The following CENPB variants were observed in gnomAD, a reference collection of about 807,000 sequenced individuals.
CENPB encodes major centromere autoantigen B.
Under a neutral mutation model 41.9 loss-of-function variants are expected in CENPB, and 19 were observed. That is an observed-to-expected ratio of 0.45 (90% CI 0.32 to 0.67). The LOEUF (loss-of-function observed/expected upper bound fraction) is 0.67, where lower values mean the gene tolerates loss of function less well. CENPB is among the 30% of genes least tolerant of loss of function. The probability of loss-of-function intolerance (pLI) is 0.04; values close to 1 mark genes in which losing one functional copy is unlikely to be tolerated. For synonymous variants in CENPB, 399 were observed against 354.4 expected (o/e 1.13, Z -1.41); for missense variants, 614 against 816.2 (o/e 0.75, Z 3.02).
chr20:3,784,649 C>T lies in CENPB; in HGVS notation c.*35G>A. 6.2e-7 allele frequency: 1 copy of T among 1,608,864 alleles called. No homozygotes were observed. The highest frequency in any genetic ancestry group is 8.5e-7 in the Non-Finnish European group (1 of 1,177,468). On this transcript the variant is annotated 3_prime_UTR_variant, in exon 1 of 1. Transcript: ENST00000379751. This position sits in a 1 kb window ranked among gnomAD's most constrained non-coding sequence, Gnocchi z 5.2. ...GTCCTCTGCCCTGGGGTGGTGCTGC[C>T]AATCTAGGTTGGGGGCACAGCTAGG...
chr20:3,785,339 G>A lies in CENPB; in HGVS notation c.1145C>T (p.Ala382Val), dbSNP rs144459328. The A allele has an allele frequency of 4.7e-5, 75 of 1,603,158 alleles. 1 individual carries two copies. The African/African-American group carries it at 9.0e-4, about 19-fold the overall frequency. ...WQAVEPSDIA[A>V]CFREAGFGGG... ...CCCAAAGCCAGCCTCACGAAAGCAG[G>A]CGGCTATGTCCGAAGGCTCCACTGC... The change falls in exon 1 of 1, where the codon GCC becomes GTC. Residue 382 changes from alanine to valine, a missense_variant. This residue lies in a region of CENPB where 537 missense variants were observed against 629.4 expected (regional missense o/e 0.85). Coordinates refer to ENST00000379751, the MANE Select transcript of CENPB (RefSeq NM_001810.6).
In CENPB at chr20:3,785,104, CTCTTCT is replaced by C; in HGVS notation, c.1374_1379del (p.Glu461_Glu462del). The C allele has an allele frequency of 1.2e-6, 2 of 1,610,306 alleles. No homozygotes were observed. The highest frequency in any genetic ancestry group is 2.2e-5 in the South Asian group (2 of 90,502). On this transcript the variant is annotated inframe_deletion, in exon 1 of 1. Transcript: ENST00000379751. The stretch of plus-strand genomic sequence containing the variant: ...CCGAGGAGCTCTCCTCATCTTCCTC[CTCTTCT>C]TCATCACTATCAACATCACCCTCCT...
Position 3,786,338 on chromosome 20 carries a change from TTGTTCTTCAGGATCG to T in CENPB, c.131_145del (p.Thr44_Asn48del). On this transcript the variant is annotated inframe_deletion, in exon 1 of 1. Transcript: ENST00000379751. Reference sequence around the variant, plus strand: ...GCGCTCCGACGCCAGGATGGCGCGCTTGTTCTTCAGGATCGTGCTCAGCGTGGACGGCGGGATGTT... The same window carrying T: ...GCGCTCCGACGCCAGGATGGCGCGCTTGCTCAGCGTGGACGGCGGGATGTT... 6.2e-7 allele frequency: 1 copy of T among 1,607,170 alleles called. No individual in the cohort carries two copies. Among genetic ancestry groups the T allele is most frequent in the Non-Finnish European group, 8.5e-7 (1 of 1,179,760 alleles).
At position 3,784,611 on chromosome 20, in the gene CENPB, G is replaced by A. The variant is rs1227910996; in HGVS notation, c.*73C>T. 7.2e-6 allele frequency: 11 copies of A among 1,529,120 alleles called. No individual in the cohort carries two copies. The highest frequency in any genetic ancestry group is 4.5e-5 in the East Asian group (2 of 44,424). The allele number at this position is 1,529,120 out of a possible 1,614,324, so 94.7% of individuals were successfully genotyped here. The stretch of plus-strand genomic sequence containing the variant: ...TCTGCACTCTGGCTCCATGCACAGC[G>A]GGTGCCCAGAGAGTCCTCTGCCCTG... On this transcript the variant is annotated 3_prime_UTR_variant, in exon 1 of 1. Transcript: ENST00000379751. This position sits in a 1 kb window ranked among gnomAD's most constrained non-coding sequence, Gnocchi z 5.2.
Position 3,785,662 on chromosome 20 carries a change from C to T in CENPB, c.822G>A (p.Leu274=), listed in dbSNP as rs751195966. The change falls in exon 1 of 1, where the codon CTG becomes CTA. Residue 274 remains leucine, a synonymous_variant. Transcript: ENST00000379751. The part of the protein sequence containing the change: ...NSKGGVTTQA[L]AKYLKALDTR... ...TGTCCAAGGCCTTCAAGTACTTGGC[C>T]AGGGCCTGGGTGGTGACACCACCCT... 2 of 1,608,306 alleles carry T rather than the reference C, an allele frequency of 1.2e-6. No homozygotes were observed. The highest frequency in any genetic ancestry group is 1.7e-6 in the Non-Finnish European group (2 of 1,177,610).
Position 3,785,991 on chromosome 20 carries a change from TGCCCTCCG to T in CENPB, c.485_492del (p.Ser162Ter). 6.6e-7 allele frequency: 1 copy of T among 1,510,560 alleles called. No homozygotes were observed. Among genetic ancestry groups the T allele is most frequent in the Non-Finnish European group, 8.8e-7 (1 of 1,141,008 alleles). 93.6% of individuals were successfully genotyped at this position (1,510,560 alleles called of 1,614,324 possible). On this transcript the variant is annotated frameshift_variant, in exon 1 of 1. Coordinates refer to ENST00000379751, the MANE Select transcript of CENPB (RefSeq NM_001810.6). LOFTEE classifies it high-confidence loss of function. ...CGCCAACCAGTAGTGCTCCCGCCAC[TGCCCTCCG>T]AGGGCACCGCGGCCGGACTGGCAGG... is the stretch of plus-strand genomic sequence containing the variant.
chr20:3,784,553 G>T lies in CENPB; in HGVS notation c.*131C>A. On this transcript the variant is annotated 3_prime_UTR_variant, in exon 1 of 1. Transcript: ENST00000379751. This position sits in a 1 kb window ranked among gnomAD's most constrained non-coding sequence, Gnocchi z 5.2. ...GCCGAGGTGACCGGGCCTGTTGCAG[G>T]ACCAGGGGAAGCATTACTAAAGGAT... The T allele has an allele frequency of 9.0e-7, 1 of 1,112,058 alleles. No individual in the cohort carries two copies. Among genetic ancestry groups the T allele is most frequent in the Non-Finnish European group, 1.3e-6 (1 of 774,194 alleles). 68.9% of individuals were successfully genotyped at this position (1,112,058 alleles called of 1,614,324 possible). A position where few individuals can be genotyped will look rare whatever the true frequency, so the allele number is the denominator to read the frequency against.
Position 3,784,626 on chromosome 20 carries a change from C to T in CENPB, c.*58G>A. The T allele has an allele frequency of 1.9e-6, 3 of 1,577,656 alleles. No individual in the cohort carries two copies. In the South Asian group the frequency reaches 3.5e-5, roughly 18 times the overall value. Reference sequence around the variant, plus strand: ...CATGCACAGCGGGTGCCCAGAGAGTCCTCTGCCCTGGGGTGGTGCTGCCAA... The same window carrying T: ...CATGCACAGCGGGTGCCCAGAGAGTTCTCTGCCCTGGGGTGGTGCTGCCAA... On this transcript the variant is annotated 3_prime_UTR_variant, in exon 1 of 1. Coordinates refer to ENST00000379751, the MANE Select transcript of CENPB (RefSeq NM_001810.6). This position sits in a 1 kb window ranked among gnomAD's most constrained non-coding sequence, Gnocchi z 5.2.
Position 3,785,132 on chromosome 20 carries a change from T to C in CENPB, c.1352A>G (p.Glu451Gly). The C allele has an allele frequency of 6.3e-7, 1 of 1,593,348 alleles. No individual in the cohort carries two copies. Among genetic ancestry groups the C allele is most frequent in the Non-Finnish European group, 8.6e-7 (1 of 1,168,714 alleles). Residue 451 changes from glutamate to glycine, a missense_variant, in exon 1 of 1, where the codon GAG (glutamate) becomes GGG (glycine). Around this residue, in one of 2 missense-constraint regions of CENPB, gnomAD observed 537 missense variants for 629.4 expected, o/e 0.85. Coordinates refer to ENST00000379751, the MANE Select transcript of CENPB (RefSeq NM_001810.6). The stretch of plus-strand genomic sequence containing the variant: ...TTCTTCATCACTATCAACATCACCC[T>C]CCTCCTCCACCTCCTCTTCCTCCCC... The part of the protein sequence containing the change: ...ELGEEEEVEE[E>G]GDVDSDEEEE...
In CENPB at chr20:3,786,393, T is replaced by C. The variant is rs2088825116; in HGVS notation, c.91A>G (p.Ile31Val). 1 of 1,602,440 alleles carries C rather than the reference T, an allele frequency of 6.2e-7. No homozygotes were observed. Among genetic ancestry groups the C allele is most frequent in the Non-Finnish European group, 8.5e-7 (1 of 1,179,446 alleles). The change falls in exon 1 of 1, where the codon ATC becomes GTC. Residue 31 changes from isoleucine to valine, a missense_variant. By Grantham distance (29) the Ile-to-Val change is conservative. This residue lies in a region of CENPB where 77 missense variants were observed against 186.8 expected (regional missense o/e 0.41). Coordinates refer to ENST00000379751, the MANE Select transcript of CENPB (RefSeq NM_001810.6). ...EENPDLRKGE[I>V]ARRFNIPPST... ...GGCGGGATGTTGAAGCGCCGCGCGATCTCGCCCTTGCGCAGGTCCGGATTC... is the reference window on the plus strand; with the variant it reads ...GGCGGGATGTTGAAGCGCCGCGCGACCTCGCCCTTGCGCAGGTCCGGATTC...
Position 3,784,651 on chromosome 20 carries a change from A to G in CENPB, c.*33T>C, listed in dbSNP as rs1568494210. On this transcript the variant is annotated 3_prime_UTR_variant, in exon 1 of 1. Coordinates refer to ENST00000379751, the MANE Select transcript of CENPB (RefSeq NM_001810.6). This position sits in a 1 kb window ranked among gnomAD's most constrained non-coding sequence, Gnocchi z 5.2. ...CCTCTGCCCTGGGGTGGTGCTGCCAATCTAGGTTGGGGGCACAGCTAGGTC... is the reference window on the plus strand; with the variant it reads ...CCTCTGCCCTGGGGTGGTGCTGCCAGTCTAGGTTGGGGGCACAGCTAGGTC... 2 of 1,609,886 alleles carry G rather than the reference A, an allele frequency of 1.2e-6. No homozygotes were observed. The highest frequency in any genetic ancestry group is 8.5e-7 in the Non-Finnish European group (1 of 1,177,964).
rs749807936 is a variant in CENPB, at chr20:3,784,750, C to T, written c.1734G>A (p.Leu578=). The T allele has an allele frequency of 3.7e-6, 6 of 1,614,142 alleles. No individual in the cohort carries two copies. Among genetic ancestry groups the T allele is most frequent in the Non-Finnish European group, 5.1e-6 (6 of 1,180,008 alleles). Residue 578 remains leucine, a synonymous_variant, in exon 1 of 1, where the codon CTG becomes CTA. Transcript: ENST00000379751. The surrounding 1 kb of genome is among the most constrained non-coding windows in gnomAD (Gnocchi z 5.2). Reference sequence around the variant, plus strand: ...CGTGGTTCTTCCTGGTCACATGAACCAGATCGTGTTCCAAGTGGAGGATGT... The same window carrying T: ...CGTGGTTCTTCCTGGTCACATGAACTAGATCGTGTTCCAAGTGGAGGATGT... The part of the protein sequence containing the change: ...QSHILHLEHD[L]VHVTRKNHAR...
rs1568494118 is a variant in CENPB at position 3,784,294 on chromosome 20, A to T, written c.*390T>A. On this transcript the variant is annotated 3_prime_UTR_variant, in exon 1 of 1. Coordinates refer to ENST00000379751, the MANE Select transcript of CENPB (RefSeq NM_001810.6). The surrounding 1 kb of genome is among the most constrained non-coding windows in gnomAD (Gnocchi z 5.2). ...CCCAGAATGGCTTTGGGGTCCCCCC[A>T]CCAAAGACCTGACGTGGATGGCAGA... 2 of 202,520 alleles carry T rather than the reference A, an allele frequency of 9.9e-6. No individual in the cohort carries two copies. Among genetic ancestry groups the T allele is most frequent in the Non-Finnish European group, 2.0e-5 (2 of 97,628 alleles). The allele number at this position is 202,520 out of a possible 1,614,324, so 12.5% of individuals were successfully genotyped here.
rs1326656773 is a variant in CENPB at position 3,784,828 on chromosome 20, G to A, written c.1656C>T (p.Ala552=). 3.3e-5 allele frequency: 53 copies of A among 1,614,112 alleles called. No individual in the cohort carries two copies. The highest frequency in any genetic ancestry group is 4.4e-5 in the Non-Finnish European group (52 of 1,180,002). The stretch of plus-strand genomic sequence containing the variant: ...AGGAGGTCAGGTACCTCTTGACCAT[G>A]GCAAAGTAAGCCATGGCCTCCCCAA... ...PSFGEAMAYF[A]MVKRYLTSFP... is the part of the protein sequence containing the mutation. Residue 552 remains alanine (A), a synonymous_variant, in exon 1 of 1, where the codon GCC becomes GCT. Transcript: ENST00000379751. The surrounding 1 kb of genome is among the most constrained non-coding windows in gnomAD (Gnocchi z 5.2).
Position 3,785,755 on chromosome 20 carries a change from C to T in CENPB, c.729G>A (p.Val243=). ...CGCGGGGCTTGGCCGACTTGCCGGC[C>T]ACCAGCGGGGGCAGCTTCTCGCTGC... ...ADGSEKLPPL[V]AGKSAKPRAG... is the part of the protein sequence containing the mutation. The change falls in exon 1 of 1, where the codon GTG becomes GTA. Residue 243 remains valine, a synonymous_variant. Transcript: ENST00000379751. 7 of 1,608,782 alleles carry T rather than the reference C, an allele frequency of 4.4e-6. No homozygotes were observed. Among genetic ancestry groups the T allele is most frequent in the Non-Finnish European group, 5.9e-6 (7 of 1,177,682 alleles).
In CENPB at chr20:3,784,701, G is replaced by A. The variant is rs2088801363; in HGVS notation, c.1783C>T (p.Leu595Phe). ...CCAGTGACTCAGCTTTGATGTCCAA[G>A]ACCTCGAACTCCCGCCTGCCTGGCG... ...NHARQAGVRG[L>F]GHQS The change falls in exon 1 of 1, where the codon CTT becomes TTT. Residue 595 changes from leucine (L) to phenylalanine (F), a missense_variant. Physicochemically the swap from Leu to Phe is conservative, Grantham distance 22 (BLOSUM62 0). Transcript: ENST00000379751. This position sits in a 1 kb window ranked among gnomAD's most constrained non-coding sequence, Gnocchi z 5.2. The A allele has an allele frequency of 1.2e-6, 2 of 1,613,928 alleles. No individual in the cohort carries two copies. The highest frequency in any genetic ancestry group is 2.2e-5 in the South Asian group (2 of 91,040).
rs1410447378 is a variant in CENPB, at chr20:3,786,481, CATCCCGGCGCGCCCCCCGCCCCG to C, written c.-21_2del. ...ACGTCAGCTGTCGCCTCTTGGGGCC[CATCCCGGCGCGCCCCCCGCCCCG>C]GGGCCCGGCGCCGCCGCCGCCGCCC... On this transcript the variant is annotated start_lost and 5_prime_UTR_variant, in exon 1 of 1. Transcript: ENST00000379751. 1.5e-5 allele frequency: 20 copies of C among 1,363,380 alleles called. No individual in the cohort carries two copies. The highest frequency in any genetic ancestry group is 4.3e-5 in the Admixed American group (2 of 46,660). 84.5% of individuals were successfully genotyped at this position (1,363,380 alleles called of 1,614,324 possible).
At position 3,786,492 on chromosome 20, in the gene CENPB, GCC is replaced by G; in HGVS notation, c.-11_-10del. The G allele has an allele frequency of 1.7e-6, 2 of 1,176,886 alleles. No homozygotes were observed. The highest frequency in any genetic ancestry group is 4.1e-5 in the East Asian group (1 of 24,552). The allele number at this position is 1,176,886 out of a possible 1,614,324, so 72.9% of individuals were successfully genotyped here. ...CGCCTCTTGGGGCCCATCCCGGCGCGCCCCCCGCCCCGGGGCCCGGCGCCGCC... is the reference window on the plus strand; with the variant it reads ...CGCCTCTTGGGGCCCATCCCGGCGCGCCCCGCCCCGGGGCCCGGCGCCGCC... On this transcript the variant is annotated 5_prime_UTR_variant, in exon 1 of 1. Coordinates refer to ENST00000379751, the MANE Select transcript of CENPB (RefSeq NM_001810.6).
rs755435816 is a variant in CENPB at position 3,786,262 on chromosome 20, G to A, written c.222C>T (p.Tyr74=). 10 of 1,606,768 alleles carry A rather than the reference G, an allele frequency of 6.2e-6. No individual in the cohort carries two copies. The East Asian group carries it at 2.0e-4, about 32-fold the overall frequency. ...CGATGAGCAAGCCCTCGAGCTTGTC[G>A]TAGGGAGACAGCTTGTTGGTCTTGC... ...TCRKTNKLSP[Y]DKLEGLLIAW... is the part of the protein sequence containing the mutation. The change falls in exon 1 of 1, where the codon TAC becomes TAT. Residue 74 remains tyrosine (Y), a synonymous_variant. Transcript: ENST00000379751.
Sources: gnomAD v4.1 joint callset for allele counts on GRCh38, gnomAD v4.1.1 for gene constraint, gnomAD v4.1.1 regional missense constraint, Gnocchi (gnomAD v3.1) non-coding constraint, MANE v1.5 for transcripts, NCBI Gene and HGNC (gene_info 2026-07-23, HGNC 2026-07-21) for gene names.